The following LGR4 variants were observed in gnomAD, a reference collection of about 807,000 sequenced individuals.
LGR4 encodes the protein leucine-rich repeat-containing G protein-coupled receptor 4.
LGR4 carries 44 observed loss-of-function variants against 84.8 expected under a neutral mutation model. The ratio of observed to expected loss-of-function variants is 0.52; its 90% CI spans 0.41 to 0.67. The LOEUF (loss-of-function observed/expected upper bound fraction) is 0.67. Ranked by LOEUF, LGR4 falls within the 30% of genes least tolerant of loss-of-function variation. The pLI, the probability that LGR4 is intolerant of heterozygous loss-of-function variation, is 0.00. For synonymous variants in LGR4, 429 were observed against 434.3 expected (o/e 0.99, Z 0.15); for missense variants, 1,032 against 1,131.4 (o/e 0.91, Z 1.26).
At chr11:27,433,163 T>C (rs1590389933) in intron 1 of LGR4, among the ~76,000 whole-genome samples, 1 of 152,184 alleles carries the variant, frequency 6.6e-6, no homozygotes, top group South Asian at 2.1e-4. Context: ...AGAAAAGGAA[T>C]GTTAAGGAAC....
chr11:27,383,691 C>T (rs1863140280), intron 6 of LGR4, among the ~76,000 whole-genome samples: 1 of 152,144 alleles, frequency 6.6e-6, no homozygotes, highest in East Asian at 1.9e-4. Context: ...GAATCATTTA[C>T]TCATCACAAC....
chr11:27,382,814 C>T (rs1343227048), intron 6 of LGR4, among the ~76,000 whole-genome samples: 5 of 151,972 alleles, frequency 3.3e-5, no homozygotes, highest in Admixed American at 3.3e-4. Flanking sequence ...GTCAAGAGAT[C>T]GAGACCATCC....
chr11:27,420,627 C>T (rs546531835), intron 1 of LGR4, among the ~76,000 whole-genome samples: 31 of 151,962 alleles, frequency 2.0e-4, no homozygotes, highest in South Asian at 1.5e-3. Flanking sequence ...ATATATATTA[C>T]GTATAATATA....
At chr11:27,418,063 A>T (rs1408745014) in intron 1 of LGR4, among the ~76,000 whole-genome samples, 1 of 152,236 alleles carries the variant, frequency 6.6e-6, no homozygotes, top group Non-Finnish European at 1.5e-5. Flanking sequence ...CAAAATATCC[A>T]TTATGCACAT....
At chr11:27,405,475 A>G (rs1040072925) in intron 2 of LGR4, among the ~76,000 whole-genome samples, 1 of 152,076 alleles carries the variant, frequency 6.6e-6, no homozygotes, top group Non-Finnish European at 1.5e-5. Context: ...TATACCCACG[A>G]TACACTATTC....
chr11:27,460,018 A>G (rs1864654507), intron 1 of LGR4, among the ~76,000 whole-genome samples: 1 of 152,110 alleles, frequency 6.6e-6, no homozygotes. Flanking sequence ...TTGAACCGGG[A>G]AGCGGAGGCT....
intron 16 of LGR4, among the ~76,000 whole-genome samples, 155 bp from the exon 17 acceptor site, chr11:27,371,853 T>A (rs1862889700): frequency 6.6e-6 from 1 of 151,826 alleles, no homozygotes; most frequent in Admixed American, 6.6e-5. Context: ...AATGCCATTG[T>A]TTTTTTTGGT....
At chr11:27,396,902 C>T (rs1863401115) in intron 2 of LGR4, among the ~76,000 whole-genome samples, 1 of 152,130 alleles carries the variant, frequency 6.6e-6, no homozygotes. Context: ...GGCATCAGTT[C>T]TTTCCCCTCC....
At chr11:27,471,094 T>C (rs1004909998) in intron 1 of LGR4, among the ~76,000 whole-genome samples, 1 of 152,064 alleles carries the variant, frequency 6.6e-6, no homozygotes, top group Non-Finnish European at 1.5e-5. Flanking sequence ...CAAGAAGCAA[T>C]AAGAACACAA....
chr11:27,463,794 C>G (rs1013582888), intron 1 of LGR4, among the ~76,000 whole-genome samples: 1 of 151,842 alleles, frequency 6.6e-6, no homozygotes, highest in Admixed American at 6.6e-5. Flanking sequence ...CTCAAAAAAA[C>G]AAAACAAAAC....
chr11:27,441,132 C>G (rs1191328738), intron 1 of LGR4, among the ~76,000 whole-genome samples: 1 of 152,134 alleles, frequency 6.6e-6, no homozygotes, highest in Non-Finnish European at 1.5e-5. Context: ...GTTAAGCAAA[C>G]AGAATAAGAA....
chr11:27,472,668 A>G lies in LGR4; in HGVS notation c.-366T>C. On this transcript the variant is annotated 5_prime_UTR_variant, in exon 1 of 18. An upstream start codon of the reference 5' UTR is lost. Transcript: ENST00000379214. ...AGGTTGCAGAGCGCAGCCTTCAGCCATGCCGGCCACTCGCCCCAGCCCCCG... is the reference window on the plus strand; with the variant it reads ...AGGTTGCAGAGCGCAGCCTTCAGCCGTGCCGGCCACTCGCCCCAGCCCCCG... 2.8e-6 allele frequency: 1 copy of G among 357,214 alleles called. No individual in the cohort carries two copies. The highest frequency in any genetic ancestry group is 5.0e-6 in the Non-Finnish European group (1 of 199,792). 22.1% of individuals were successfully genotyped at this position (357,214 alleles called of 1,614,324 possible). A position where few individuals can be genotyped will look rare whatever the true frequency, so the allele number is the denominator to read the frequency against.
At chr11:27,385,146 T>C in intron 5 of LGR4, 107 bp downstream of exon 5, 1 of 764,498 alleles carries the variant, frequency 1.3e-6, no homozygotes, top group Non-Finnish European at 2.1e-6. Flanking sequence ...CACTAACTAC[T>C]CAGGAGCATA....
At chr11:27,415,960 T>C (rs748431244) in intron 1 of LGR4, among the ~76,000 whole-genome samples, 4 of 152,164 alleles carry the variant, frequency 2.6e-5, no homozygotes, top group Non-Finnish European at 4.4e-5. Flanking sequence ...GGATGACCTA[T>C]GACAATAATT....
intron 1 of LGR4, among the ~76,000 whole-genome samples, chr11:27,413,818 C>G (rs1446036376): frequency 1.3e-5 from 2 of 152,108 alleles, no homozygotes; most frequent in East Asian, 3.9e-4. Context: ...AGTCAGCTTA[C>G]AACAATAATA....
At chr11:27,430,437 A>G (rs1864096342) in intron 1 of LGR4, among the ~76,000 whole-genome samples, 2 of 152,180 alleles carry the variant, frequency 1.3e-5, no homozygotes, top group Admixed American at 6.5e-5. Flanking sequence ...GAGGAGGTGG[A>G]GGCACAGACA....
intron 2 of LGR4, among the ~76,000 whole-genome samples, chr11:27,404,575 C>T (rs2133389620): frequency 6.6e-6 from 1 of 152,274 alleles, no homozygotes. Context: ...TTTCTCTTTT[C>T]TTCTGCTTCC....
chr11:27,378,630 TA>T, intron 11 of LGR4, 66 bp downstream of exon 11: 2 of 1,110,942 alleles, frequency 1.8e-6, no homozygotes, highest in Non-Finnish European at 1.4e-6. Flanking sequence ...ATCCTTAAAA[TA>T]AAATTGAACA....
At position 27,472,297 on chromosome 11, in the gene LGR4, C is replaced by G. The variant is rs550401712; in HGVS notation, c.6G>C (p.Pro2=). ...GGAAGCAGAGCAGCCCTAGCGGGCC[C>G]GGCATTGCTGCGGCCGCCTCCCGCG... M[P]GPLGLLCFLA... Residue 2 remains proline, a synonymous_variant, in exon 1 of 18, where the codon CCG becomes CCC. Transcript: ENST00000379214. 2 of 1,206,438 alleles carry G rather than the reference C, an allele frequency of 1.7e-6. No individual in the cohort carries two copies. Among genetic ancestry groups the G allele is most frequent in the East Asian group, 3.5e-5 (1 of 28,914 alleles). The allele number at this position is 1,206,438 out of a possible 1,614,324, so 74.7% of individuals were successfully genotyped here.
Sources: allele counts gnomAD v4.1 joint callset (sites outside exome capture counted in the v4.1 genomes callset), GRCh38; gene constraint gnomAD v4.1.1; transcripts MANE v1.5; gene names NCBI Gene and HGNC (gene_info 2026-07-23, HGNC 2026-07-21).